Variants in MALRD1 observed in about 807,000 individuals in gnomAD.
MALRD1 encodes the protein MAM and LDL-receptor class A domain-containing protein 1.
A neutral mutation model predicts 242.1 loss-of-function variants in MALRD1; 247 were observed. That is an observed-to-expected ratio of 1.02 (90% CI 0.92 to 1.13). The LOEUF (loss-of-function observed/expected upper bound fraction) is 1.13. Ranked by LOEUF, MALRD1 falls within the 50% of genes most tolerant of loss-of-function variation. MALRD1 has a pLI of 0.00. For synonymous variants in MALRD1, 995 were observed against 866.6 expected (o/e 1.15, Z -2.60); for missense variants, 2,989 against 2,533.1 (o/e 1.18, Z -3.86).
At chr10:19,094,781 G>A (rs74721992) in intron 4 of MALRD1, among the ~76,000 whole-genome samples, 1 of 152,142 alleles carries the variant, frequency 6.6e-6, no homozygotes, top group Non-Finnish European at 1.5e-5. Flanking sequence ...ACTTAACACA[G>A]TCTTTATTTT....
chr10:19,119,160 C>G (rs1052015117), intron 5 of MALRD1, among the ~76,000 whole-genome samples: 1 of 152,032 alleles, frequency 6.6e-6, no homozygotes, highest in South Asian at 2.1e-4. Context: ...AGAGATGAGT[C>G]ATGGAAGACC....
intron 34 of MALRD1, among the ~76,000 whole-genome samples, chr10:19,606,334 G>C (rs1244422400): frequency 6.6e-6 from 1 of 152,056 alleles, no homozygotes; most frequent in Non-Finnish European, 1.5e-5. Context: ...TAAACTTTTA[G>C]TAGCAGGTTT....
chr10:19,607,398 C>A (rs902507096), intron 34 of MALRD1, among the ~76,000 whole-genome samples: 1 of 152,074 alleles, frequency 6.6e-6, no homozygotes, highest in Non-Finnish European at 1.5e-5. Flanking sequence ...CTTCACGTAG[C>A]CTTTCCTGTA....
intron 19 of MALRD1, among the ~76,000 whole-genome samples, chr10:19,278,634 T>C (rs1840653588): frequency 6.6e-6 from 1 of 152,158 alleles, no homozygotes; most frequent in Non-Finnish European, 1.5e-5. Flanking sequence ...ATCTTTACCA[T>C]AAATTTATCC....
intron 28 of MALRD1, among the ~76,000 whole-genome samples, chr10:19,406,232 G>T (rs1847101135): frequency 6.6e-6 from 1 of 152,184 alleles, no homozygotes; most frequent in African/African-American, 2.4e-5. Context: ...TTCATGAAAT[G>T]TAAGCATAGG....
intron 8 of MALRD1, 112 bp from the exon 9 acceptor site, chr10:19,133,744 T>C: frequency 2.4e-6 from 1 of 424,800 alleles, no homozygotes; most frequent in Admixed American, 4.4e-5. Context: ...TCCTAGTACT[T>C]TATATCATAC....
chr10:19,233,239 C>T (rs1165672828), intron 18 of MALRD1, among the ~76,000 whole-genome samples: 2 of 152,104 alleles, frequency 1.3e-5, no homozygotes, highest in Non-Finnish European at 2.9e-5. Flanking sequence ...CGGTGGCTCA[C>T]GCCTGTAGTC....
chr10:19,528,501 G>A (rs548553103), intron 31 of MALRD1, among the ~76,000 whole-genome samples: 150 of 152,260 alleles, frequency 9.9e-4, no homozygotes, highest in African/African-American at 3.4e-3. Context: ...GCTGAGGCAG[G>A]AGAACCGCTT....
chr10:19,099,763 A>ATATTTTT (rs1554788439), intron 4 of MALRD1, among the ~76,000 whole-genome samples: 13 of 149,326 alleles, frequency 8.7e-5, no homozygotes, highest in African/African-American at 2.4e-4. Context: ...ATATATATAT[A>ATATTTTT]TTTTTTTTAA....
intron 38 of MALRD1, among the ~76,000 whole-genome samples, chr10:19,715,909 A>C (rs2131887501): frequency 6.6e-6 from 1 of 152,288 alleles, no homozygotes. Flanking sequence ...GGCAGCACTA[A>C]GCCCTTCATG....
At position 19,415,382 on chromosome 10, in the gene MALRD1, A is replaced by G. The variant is rs368463038; in HGVS notation, c.4845+25773A>G. On this transcript the variant is annotated intron_variant, in intron 28 of 39. Coordinates refer to ENST00000454679, the MANE Select transcript of MALRD1 (RefSeq NM_001142308.3). ...ATACTGTGATTCCCCCTTGTGAATT[A>G]TTAGACAAAATCAATACTTTAAAGA... Among the ~76,000 whole-genome samples, 44 of 151,532 alleles carry G rather than the reference A, an allele frequency of 2.9e-4. 1 individual carries two copies. The South Asian group carries it at 8.5e-3, about 29-fold the overall frequency.
At chr10:19,150,241 T>C (rs1833894799) in intron 11 of MALRD1, among the ~76,000 whole-genome samples, 1 of 152,318 alleles carries the variant, frequency 6.6e-6, no homozygotes, top group Non-Finnish European at 1.5e-5. Flanking sequence ...TTTTTGTTTT[T>C]TTTGCACTCT....
chr10:19,560,753 G>A (rs1835929037), intron 32 of MALRD1, among the ~76,000 whole-genome samples: 1 of 152,096 alleles, frequency 6.6e-6, no homozygotes, highest in Admixed American at 6.5e-5. Context: ...ATAAGTGGGA[G>A]TTGAACAATG....
At chr10:19,136,122 G>C (rs1833326154) in intron 9 of MALRD1, among the ~76,000 whole-genome samples, 1 of 151,970 alleles carries the variant, frequency 6.6e-6, no homozygotes, top group African/African-American at 2.4e-5. Context: ...AATTTCACTA[G>C]TTAAAAAATA....
At chr10:19,266,422 A>G (rs1003763320) in intron 19 of MALRD1, among the ~76,000 whole-genome samples, 1 of 151,974 alleles carries the variant, frequency 6.6e-6, no homozygotes, top group Non-Finnish European at 1.5e-5. Context: ...GCTTATAAAA[A>G]CCAGCTTATA....
At chr10:19,416,144 T>C (rs1261670222) in intron 28 of MALRD1, among the ~76,000 whole-genome samples, 1 of 152,176 alleles carries the variant, frequency 6.6e-6, no homozygotes, top group Non-Finnish European at 1.5e-5. Flanking sequence ...GATCTGGAGT[T>C]CTACTTAATT....
Position 19,567,563 on chromosome 10 carries a change from G to C in MALRD1, c.5540G>C (p.Arg1847Thr). Residue 1847 changes from arginine to threonine, a missense_variant, in exon 33 of 40, where the codon AGA becomes ACA. By Grantham distance (71) the Arg-to-Thr change is moderately conservative. Coordinates refer to ENST00000454679, the MANE Select transcript of MALRD1 (RefSeq NM_001142308.3). Reference protein sequence around the residue: ...ILVWSVIGNKRTGWTYGSVPL... With the variant: ...ILVWSVIGNKTTGWTYGSVPL... Reference sequence around the variant, plus strand: ...GTGTGGTCAGTGATTGGAAATAAAAGAACGGGATGGACATATGGCTCTGTG... The same window carrying C: ...GTGTGGTCAGTGATTGGAAATAAAACAACGGGATGGACATATGGCTCTGTG... 6.4e-7 allele frequency: 1 copy of C among 1,550,432 alleles called. No individual in the cohort carries two copies. Among genetic ancestry groups the C allele is most frequent in the Non-Finnish European group, 8.7e-7 (1 of 1,146,942 alleles).
chr10:19,644,567 A>G (rs925862812), intron 36 of MALRD1, among the ~76,000 whole-genome samples: 1 of 152,272 alleles, frequency 6.6e-6, no homozygotes, highest in Non-Finnish European at 1.5e-5. Flanking sequence ...CATGAAATGG[A>G]TTTAAATCAG....
At chr10:19,517,710 TG>T (rs1387065535) in intron 31 of MALRD1, among the ~76,000 whole-genome samples, 2 of 152,156 alleles carry the variant, frequency 1.3e-5, no homozygotes, top group African/African-American at 4.8e-5. Flanking sequence ...AGTATGAGCC[TG>T]GGCACAGTCA....
Sources: gnomAD v4.1 joint callset for allele counts (sites outside exome capture counted in the v4.1 genomes callset) on GRCh38, gnomAD v4.1.1 for gene constraint, MANE v1.5 for transcripts, NCBI Gene and HGNC (gene_info 2026-07-23, HGNC 2026-07-21) for gene names.